The following CAAP1 variants were observed in gnomAD, a reference collection of about 807,000 sequenced individuals.
The protein encoded by CAAP1 is conserved anti-apoptotic protein.
In CAAP1, 20 loss-of-function variants were observed where a neutral mutation model predicts 34.0. That is an observed-to-expected ratio of 0.59 (90% CI 0.41 to 0.86). The LOEUF is 0.86. Ranked by LOEUF, CAAP1 falls within the 40% of genes least tolerant of loss-of-function variation. The pLI is 0.00. For synonymous variants in CAAP1, 213 were observed against 166.7 expected (o/e 1.28, Z -2.14); for missense variants, 538 against 450.5 (o/e 1.19, Z -1.76).
chr9:26,850,588 A>G (rs1473775507), intron 5 of CAAP1, among the ~76,000 whole-genome samples: 2 of 152,220 alleles, frequency 1.3e-5, no homozygotes, highest in Admixed American at 6.5e-5. Context: ...ATGAAAATTA[A>G]GAAATACTGA....
intron 5 of CAAP1, among the ~76,000 whole-genome samples, chr9:26,854,579 G>C (rs1377435757): frequency 6.6e-6 from 1 of 152,122 alleles, no homozygotes; most frequent in Non-Finnish European, 1.5e-5. Flanking sequence ...CCTAGAGTCT[G>C]TGTATTAAAT....
intron 5 of CAAP1, among the ~76,000 whole-genome samples, chr9:26,847,938 T>C (rs1822657421): frequency 6.6e-6 from 1 of 152,214 alleles, no homozygotes; most frequent in African/African-American, 2.4e-5. Context: ...TAGATACGTA[T>C]GTTCAATTTG....
At chr9:26,851,211 T>C (rs1393877115) in intron 5 of CAAP1, among the ~76,000 whole-genome samples, 2 of 152,128 alleles carry the variant, frequency 1.3e-5, no homozygotes, top group Non-Finnish European at 2.9e-5. Flanking sequence ...ATACAAAATA[T>C]AACAGAATTT....
Position 26,887,392 on chromosome 9 carries a change from T to C in CAAP1, c.425A>G (p.Asp142Gly). ...GCACTGCTGAAGCATTTCTTTTTTG[T>C]CTGATATATAGAAACTAACTGGTTT... ...SLKPVSFYIS[D>G]KKEMLQQCFC... is the part of the protein sequence containing the mutation. Residue 142 changes from aspartate (D) to glycine (G), a missense_variant, in exon 2 of 6, where the codon GAC becomes GGC. By Grantham distance (94) the Asp-to-Gly change is moderately conservative (BLOSUM62 -1). Around this residue, in one of 3 missense-constraint regions of CAAP1, gnomAD observed 514 missense variants for 408.4 expected, o/e 1.26. Transcript: ENST00000333916. 6.2e-7 allele frequency: 1 copy of C among 1,612,726 alleles called. No homozygotes were observed. Among genetic ancestry groups the C allele is most frequent in the Non-Finnish European group, 8.5e-7 (1 of 1,179,314 alleles).
intron 3 of CAAP1, among the ~76,000 whole-genome samples, 189 bp from the exon 4 acceptor site, chr9:26,885,074 C>CTTTT (rs397893644): frequency 1.9e-4 from 22 of 116,894 alleles, no homozygotes; most frequent in South Asian, 2.8e-4. Context: ...TTTCTCATTG[C>CTTTT]TTTTTTTTTT....
At chr9:26,860,433 T>TC (rs1444488214) in intron 5 of CAAP1, among the ~76,000 whole-genome samples, 3 of 152,170 alleles carry the variant, frequency 2.0e-5, no homozygotes, top group African/African-American at 7.2e-5. Flanking sequence ...ACTGGTTTTT[T>TC]CCCACATACA....
chr9:26,847,198 AT>A (rs1171628621), intron 5 of CAAP1, among the ~76,000 whole-genome samples: 150 of 34,720 alleles, frequency 4.3e-3, no homozygotes, highest in Non-Finnish European at 5.5e-3. Context: ...AAAAAGCAAT[AT>A]TTTTTTTTTT....
At chr9:26,850,508 T>C (rs1259607603) in intron 5 of CAAP1, among the ~76,000 whole-genome samples, 1 of 152,230 alleles carries the variant, frequency 6.6e-6, no homozygotes, top group African/African-American at 2.4e-5. Context: ...TAAATTATCT[T>C]TGGAAATACA....
chr9:26,847,263 G>A (rs1410189582), intron 5 of CAAP1, among the ~76,000 whole-genome samples: 1 of 117,766 alleles, frequency 8.5e-6, no homozygotes, highest in African/African-American at 3.3e-5. Flanking sequence ...CACCCAGGCT[G>A]GAGTGCAGTG....
chr9:26,871,415 T>C (rs1219305419), intron 4 of CAAP1, among the ~76,000 whole-genome samples: 2 of 151,754 alleles, frequency 1.3e-5, no homozygotes, highest in Non-Finnish European at 2.9e-5. Flanking sequence ...CTGTCTCTAC[T>C]AAAATACAAA....
chr9:26,844,784 A>C (rs2131292397), intron 5 of CAAP1, among the ~76,000 whole-genome samples: 1 of 152,266 alleles, frequency 6.6e-6, no homozygotes, highest in African/African-American at 2.4e-5. Flanking sequence ...GATTCCCTGA[A>C]CCTAACCATT....
chr9:26,890,193 A>C (rs1300498358), intron 1 of CAAP1, among the ~76,000 whole-genome samples: 1 of 151,924 alleles, frequency 6.6e-6, no homozygotes, highest in Non-Finnish European at 1.5e-5. Context: ...AACATGGTGA[A>C]AACCTTACCT....
chr9:26,842,632 C>A lies in CAAP1; in HGVS notation c.755G>T (p.Ser252Ile). ...LELKQGKGED[S>I]DVLSINADAY... ...ATCTGCATTTATACTGAGTACATCA[C>A]TATCTTCCCCTTTTCCTGTAACCAA... Residue 252 changes from serine to isoleucine, a missense_variant, in exon 6 of 6, where the codon AGT becomes ATT. By Grantham distance (142) the Ser-to-Ile change is moderately radical. Around this residue, in one of 3 missense-constraint regions of CAAP1, gnomAD observed 514 missense variants for 408.4 expected, o/e 1.26. Transcript: ENST00000333916. 6.3e-7 allele frequency: 1 copy of A among 1,598,488 alleles called. No individual in the cohort carries two copies. Among genetic ancestry groups the A allele is most frequent in the Non-Finnish European group, 8.5e-7 (1 of 1,172,818 alleles).
chr9:26,858,898 T>C (rs1822939340), intron 5 of CAAP1, among the ~76,000 whole-genome samples: 1 of 144,264 alleles, frequency 6.9e-6, no homozygotes, highest in African/African-American at 2.6e-5. Flanking sequence ...CTCAGGAGGC[T>C]GAGGCAGGAG....
At chr9:26,856,230 T>C (rs1396688266) in intron 5 of CAAP1, among the ~76,000 whole-genome samples, 1 of 152,206 alleles carries the variant, frequency 6.6e-6, no homozygotes, top group Non-Finnish European at 1.5e-5. Flanking sequence ...ACAGTTAATG[T>C]ACAAATATTC....
chr9:26,843,006 G>A (rs1030002742), intron 5 of CAAP1, among the ~76,000 whole-genome samples: 1 of 152,018 alleles, frequency 6.6e-6, no homozygotes, highest in South Asian at 2.1e-4. Context: ...AAATCCTCTG[G>A]ATACAGTATG....
At position 26,861,138 on chromosome 9, in the gene CAAP1, G is replaced by C. The variant is rs139606460; in HGVS notation, c.667C>G (p.Gln223Glu). ...SKMGSDLVSQ[Q>E]DICIDSASSV... ...GAAGCAGAATCTATACAGATGTCTTGCCTGGGAAATGAAAATAAGATCAAC... is the reference window on the plus strand; with the variant it reads ...GAAGCAGAATCTATACAGATGTCTTCCCTGGGAAATGAAAATAAGATCAAC... Residue 223 changes from glutamine to glutamate, a missense_variant and splice_region_variant, in exon 5 of 6, where the codon CAA (glutamine) becomes GAA (glutamate). By Grantham distance (29) the Gln-to-Glu change is conservative (BLOSUM62 2). Around this residue, in one of 3 missense-constraint regions of CAAP1, gnomAD observed 514 missense variants for 408.4 expected, o/e 1.26. Coordinates refer to ENST00000333916, the MANE Select transcript of CAAP1 (RefSeq NM_024828.4). 3 of 1,602,618 alleles carry C rather than the reference G, an allele frequency of 1.9e-6. No individual in the cohort carries two copies. The highest frequency in any genetic ancestry group is 2.7e-5 in the African/African-American group (2 of 74,374).
chr9:26,847,196 A>G (rs922171460), intron 5 of CAAP1, among the ~76,000 whole-genome samples: 6 of 63,004 alleles, frequency 9.5e-5, no homozygotes, highest in African/African-American at 2.2e-4. Flanking sequence ...GTAAAAAGCA[A>G]TATTTTTTTT....
At chr9:26,879,942 T>A (rs868550730) in intron 4 of CAAP1, among the ~76,000 whole-genome samples, 4 of 152,220 alleles carry the variant, frequency 2.6e-5, no homozygotes, top group African/African-American at 7.2e-5. Context: ...TACCTTGTGA[T>A]CGTGTGACTC....
Sources: gnomAD v4.1 joint callset for allele counts (sites outside exome capture counted in the v4.1 genomes callset) on GRCh38, gnomAD v4.1.1 for gene constraint, gnomAD v4.1.1 regional missense constraint, MANE v1.5 for transcripts, NCBI Gene and HGNC (gene_info 2026-07-23, HGNC 2026-07-21) for gene names.